PRRC2B: variants seen among roughly 807,000 people sequenced by gnomAD.
PRRC2B encodes the protein proline rich coiled-coil 2B, also known as protein PRRC2B.
In PRRC2B, 68 loss-of-function variants were observed where a neutral mutation model predicts 242.3. The ratio of observed to expected loss-of-function variants is 0.28; its 90% CI spans 0.23 to 0.34. PRRC2B has a LOEUF of 0.34. Among genes scored for constraint, PRRC2B ranks in the 10% least tolerant of loss-of-function variants. The pLI, the probability that PRRC2B is intolerant of heterozygous loss-of-function variation, is 1.00. For missense variants in PRRC2B, 2,835 were observed against 2,954.8 expected, an observed-to-expected ratio of 0.96 and a Z score of 0.94; for synonymous variants, 1,228 against 1,173.6, an observed-to-expected ratio of 1.05 and a Z score of -0.95.
intron 1 of PRRC2B, among the ~76,000 whole-genome samples, chr9:131,423,378 G>C (rs1837895860): frequency 2.0e-5 from 3 of 152,160 alleles, no homozygotes; most frequent in Admixed American, 1.3e-4. Context: ...GTTTAGCTTG[G>C]GGTATGCATG....
intron 14 of PRRC2B, among the ~76,000 whole-genome samples, chr9:131,472,498 A>G (rs1481506361): frequency 2.6e-5 from 3 of 113,752 alleles, no homozygotes; most frequent in African/African-American, 7.4e-5. Flanking sequence ...TTTTTTTGAG[A>G]CAGAGTCTTG....
intron 1 of PRRC2B, among the ~76,000 whole-genome samples, chr9:131,425,734 C>T (rs1020712195): frequency 6.6e-6 from 1 of 151,240 alleles, no homozygotes; most frequent in Middle Eastern, 3.2e-3. Flanking sequence ...CGTGATCACC[C>T]GCCTCAGCCT....
chr9:131,459,220 C>G lies in PRRC2B; in HGVS notation c.1268C>G (p.Ala423Gly). ...RQLSMSSADS[A>G]DAKRTREEGK... is the part of the protein sequence containing the mutation. ...TTGTCAATGAGCTCTGCAGACAGTG[C>G]GGACGCTAAGCGGACTCGAGAGGAA... The change falls in exon 11 of 32, where the codon GCG (alanine) becomes GGG (glycine). Residue 423 changes from alanine (A) to glycine (G), a missense_variant. Physicochemically the swap from Ala to Gly is moderately conservative, Grantham distance 60. Transcript: ENST00000683519. 6.2e-7 allele frequency: 1 copy of G among 1,613,972 alleles called. No homozygotes were observed. Among genetic ancestry groups the G allele is most frequent in the Non-Finnish European group, 8.5e-7 (1 of 1,179,892 alleles).
intron 23 of PRRC2B, among the ~76,000 whole-genome samples, chr9:131,484,035 C>T (rs1398313254): frequency 2.0e-5 from 3 of 152,196 alleles, no homozygotes; most frequent in African/African-American, 7.2e-5. Context: ...AATGTGAGTG[C>T]TGTACAATAT....
intron 11 of PRRC2B, among the ~76,000 whole-genome samples, chr9:131,464,185 A>G (rs1391521740): frequency 6.6e-6 from 1 of 151,728 alleles, no homozygotes; most frequent in Non-Finnish European, 1.5e-5. Context: ...CAGGTGATCC[A>G]CCCGCCTCAG....
Position 131,446,704 on chromosome 9 carries a change from T to C in PRRC2B, c.855+62T>C. Reference sequence around the variant, plus strand: ...AGTTGGATTGTGTCCAGCAGATAGGTCAAGTGGTTGAATGTCCCCCTTGGG... The same window carrying C: ...AGTTGGATTGTGTCCAGCAGATAGGCCAAGTGGTTGAATGTCCCCCTTGGG... On this transcript the variant is annotated intron_variant, in intron 7 of 31. Coordinates refer to ENST00000683519, the MANE Select transcript of PRRC2B (RefSeq NM_013318.4). This position sits in a 1 kb window ranked among gnomAD's most constrained non-coding sequence, Gnocchi z 4.1. 6.3e-7 allele frequency: 1 copy of C among 1,583,934 alleles called. No individual in the cohort carries two copies.
At chr9:131,430,395 T>G (rs910452790) in intron 2 of PRRC2B, 136 bp downstream of exon 2, 1 of 566,026 alleles carries the variant, frequency 1.8e-6, no homozygotes, top group East Asian at 2.9e-5. Flanking sequence ...AGAATCACTC[T>G]CTACTTCCTA....
At chr9:131,379,977 T>C (rs1489836493) in intron 1 of PRRC2B, among the ~76,000 whole-genome samples, 1 of 147,568 alleles carries the variant, frequency 6.8e-6, no homozygotes, top group East Asian at 2.0e-4. Flanking sequence ...TTGTAAGAGT[T>C]ATTTATATAT....
chr9:131,479,543 C>T (rs971027455), intron 19 of PRRC2B, 150 bp downstream of exon 19: 5 of 774,218 alleles, frequency 6.5e-6, no homozygotes, highest in South Asian at 1.9e-5. Flanking sequence ...CTGAGCTAGT[C>T]GCTGAATGCC....
intron 9 of PRRC2B, chr9:131,448,103 C>A: frequency 3.8e-6 from 1 of 264,136 alleles, no homozygotes. Context: ...AGCTCCCAAC[C>A]ACTGATCACT....
intron 22 of PRRC2B, 144 bp from the exon 23 acceptor site, chr9:131,483,215 C>A: frequency 1.3e-6 from 1 of 799,430 alleles, no homozygotes; most frequent in Non-Finnish European, 2.0e-6. Context: ...GAAAATCTGG[C>A]CATCTCGCTC....
chr9:131,400,906 G>A lies in PRRC2B; in HGVS notation c.-52+6643G>A, dbSNP rs145552065. On this transcript the variant is annotated intron_variant, in intron 1 of 31. Transcript: ENST00000683519. ...GGAGATCCTGGTCTGGTGGGGAGGA[G>A]GCCCTGGAGAGCCCCCCACCTAACT... Among the ~76,000 whole-genome samples the A allele has an allele frequency of 2.9e-3, 434 of 152,066 alleles. 1 individual carries two copies. The highest frequency in any genetic ancestry group is 0.014 in the Middle Eastern group (4 of 292).
chr9:131,401,768 C>G (rs917094423), intron 1 of PRRC2B, among the ~76,000 whole-genome samples: 1 of 149,822 alleles, frequency 6.7e-6, no homozygotes, highest in African/African-American at 2.5e-5. Flanking sequence ...TTAAGAGATT[C>G]TCCTGCCTCA....
At chr9:131,465,207 C>A in intron 12 of PRRC2B, 129 bp downstream of exon 12, 1 of 935,218 alleles carries the variant, frequency 1.1e-6, no homozygotes, top group Non-Finnish European at 1.6e-6. Context: ...TGGGAAGCAT[C>A]AGTTATTAAG....
Position 131,446,732 on chromosome 9 carries a change from C to T in PRRC2B, c.855+90C>T. ...AGTGGTTGAATGTCCCCCTTGGGGT[C>T]TCCTCTTGGCCCTGTTACCCTACTT... On this transcript the variant is annotated intron_variant, in intron 7 of 31. Coordinates refer to ENST00000683519, the MANE Select transcript of PRRC2B (RefSeq NM_013318.4). The surrounding 1 kb of genome is among the most constrained non-coding windows in gnomAD (Gnocchi z 4.1). 18 of 1,439,536 alleles carry T rather than the reference C, an allele frequency of 1.3e-5. No homozygotes were observed. In the South Asian group the frequency reaches 1.9e-4, roughly 16 times the overall value. 89.2% of individuals were successfully genotyped at this position (1,439,536 alleles called of 1,614,324 possible).
chr9:131,432,588 G>T (rs373208566), intron 2 of PRRC2B, 29 bp from the exon 3 acceptor site: 7 of 1,602,904 alleles, frequency 4.4e-6, no homozygotes, highest in Admixed American at 3.4e-5. Context: ...TTTTTGCATG[G>T]TGTCTGTTCC....
chr9:131,415,765 A>T (rs1837631102), intron 1 of PRRC2B, among the ~76,000 whole-genome samples: 1 of 152,140 alleles, frequency 6.6e-6, no homozygotes, highest in African/African-American at 2.4e-5. Context: ...AAGAGGGATG[A>T]CTTTTAGAAG....
chr9:131,480,892 C>T (rs1468180366), intron 19 of PRRC2B, among the ~76,000 whole-genome samples: 1 of 152,052 alleles, frequency 6.6e-6, no homozygotes. Context: ...CAACTTTGGC[C>T]AGGAGTGGTG....
At chr9:131,410,480 C>T (rs1837478641) in intron 1 of PRRC2B, among the ~76,000 whole-genome samples, 1 of 152,216 alleles carries the variant, frequency 6.6e-6, no homozygotes, top group Non-Finnish European at 1.5e-5. Flanking sequence ...CATGGGCCTC[C>T]CAATCATGGC....
Sources: gnomAD v4.1 joint callset for allele counts (sites outside exome capture counted in the v4.1 genomes callset) on GRCh38, gnomAD v4.1.1 for gene constraint, Gnocchi (gnomAD v3.1) non-coding constraint, MANE v1.5 for transcripts, NCBI Gene and HGNC (gene_info 2026-07-23, HGNC 2026-07-21) for gene names.